Variants in SLC39A11 observed in about 807,000 individuals in gnomAD.
The protein encoded by SLC39A11 is solute carrier family 39 member 11, also known as zinc transporter ZIP11.
Under a neutral mutation model 36.1 loss-of-function variants are expected in SLC39A11, and 33 were observed. The ratio of observed to expected loss-of-function variants is 0.91; its 90% CI spans 0.69 to 1.22. The LOEUF (loss-of-function observed/expected upper bound fraction) is 1.22. SLC39A11 is among the 50% of genes most tolerant of loss of function. The pLI, the probability that SLC39A11 is intolerant of heterozygous loss-of-function variation, is 0.00. For missense variants in SLC39A11, 432 were observed against 430.3 expected (o/e 1.00, Z -0.03); for synonymous variants, 166 against 170.3 (o/e 0.97, Z 0.20).
chr17:72,900,221 GAAAGAAA>G (rs2082320115), intron 5 of SLC39A11, among the ~76,000 whole-genome samples: 1 of 141,186 alleles, frequency 7.1e-6, no homozygotes, highest in Admixed American at 7.1e-5. Flanking sequence ...AAGAAAGAAA[GAAAGAAA>G]GAAAAAGACA....
chr17:73,071,388 C>T (rs2060158028), intron 3 of SLC39A11, among the ~76,000 whole-genome samples: 1 of 152,232 alleles, frequency 6.6e-6, no homozygotes, highest in Non-Finnish European at 1.5e-5. Flanking sequence ...AAGCCAGCCC[C>T]TGAAGATTCT....
At chr17:72,837,853 G>C in intron 6 of SLC39A11, 1 of 925,078 alleles carries the variant, frequency 1.1e-6, no homozygotes, top group Non-Finnish European at 1.4e-6. Context: ...AAACTGTAGA[G>C]ACAAAGTAGA....
At chr17:72,908,490 C>A (rs1431505604) in intron 5 of SLC39A11, among the ~76,000 whole-genome samples, 1 of 152,200 alleles carries the variant, frequency 6.6e-6, no homozygotes, top group Non-Finnish European at 1.5e-5. Context: ...CGACAGGACA[C>A]TACCGTGCCG....
intron 6 of SLC39A11, among the ~76,000 whole-genome samples, chr17:72,745,307 C>T (rs1466233252): frequency 1.3e-5 from 2 of 152,254 alleles, no homozygotes; most frequent in Non-Finnish European, 2.9e-5. Flanking sequence ...CTCAGAGGTG[C>T]TGTGGGGACA....
At chr17:72,815,014 T>C (rs1264583207) in intron 6 of SLC39A11, among the ~76,000 whole-genome samples, 1 of 152,124 alleles carries the variant, frequency 6.6e-6, no homozygotes, top group East Asian at 1.9e-4. Context: ...GGTAAAAAAC[T>C]AAGGAAGGGG....
intron 3 of SLC39A11, among the ~76,000 whole-genome samples, chr17:73,071,630 A>G (rs2060164167): frequency 6.6e-6 from 1 of 152,220 alleles, no homozygotes; most frequent in South Asian, 2.1e-4. Flanking sequence ...TGTCATAAAC[A>G]TTGCATCAGG....
At chr17:72,716,733 T>C (rs2143464563) in intron 7 of SLC39A11, among the ~76,000 whole-genome samples, 1 of 151,876 alleles carries the variant, frequency 6.6e-6, no homozygotes, top group African/African-American at 2.4e-5. Context: ...CTTTGGGAAA[T>C]CGAGGTGGGC....
intron 6 of SLC39A11, among the ~76,000 whole-genome samples, chr17:72,846,528 G>T (rs2079063019): frequency 6.6e-6 from 1 of 152,150 alleles, no homozygotes; most frequent in Non-Finnish European, 1.5e-5. Context: ...ATTCCAAGTT[G>T]TCACTGGAGT....
intron 4 of SLC39A11, among the ~76,000 whole-genome samples, chr17:73,025,804 T>G (rs2058515677): frequency 6.6e-6 from 1 of 152,094 alleles, no homozygotes; most frequent in Admixed American, 6.6e-5. Context: ...AAACACAGTA[T>G]CATTGGTTTT....
chr17:73,084,932 G>C, intron 2 of SLC39A11, 86 bp from the exon 3 acceptor site: 1 of 1,436,680 alleles, frequency 7.0e-7, no homozygotes, highest in Admixed American at 1.7e-5. Context: ...AGGCCCAAAA[G>C]AGCCACGCAA....
rs1480188662 is a variant in SLC39A11, at chr17:72,649,260, G to A, written c.680C>T (p.Ala227Val). ...SATFESARNLAIGIGIQNFPE... is the reference protein window; with the variant it reads ...SATFESARNLVIGIGIQNFPE... Reference sequence around the variant, plus strand: ...GAAATTCTGGATCCCGATTCCAATGGCCAAATTCCTGAAAAACCAAGAAAG... The same window carrying A: ...GAAATTCTGGATCCCGATTCCAATGACCAAATTCCTGAAAAACCAAGAAAG... The change falls in exon 8 of 10, where the codon GCC becomes GTC. Residue 227 changes from alanine (A) to valine (V), a missense_variant. Physicochemically the swap from Ala to Val is moderately conservative, Grantham distance 64 (BLOSUM62 0). Coordinates refer to ENST00000255559, the MANE Select transcript of SLC39A11 (RefSeq NM_139177.4). 4 of 1,614,048 alleles carry A rather than the reference G, an allele frequency of 2.5e-6. No homozygotes were observed. The highest frequency in any genetic ancestry group is 3.4e-6 in the Non-Finnish European group (4 of 1,179,956).
At chr17:72,712,312 G>A (rs1007631786) in intron 7 of SLC39A11, among the ~76,000 whole-genome samples, 4 of 152,172 alleles carry the variant, frequency 2.6e-5, no homozygotes, top group Admixed American at 6.5e-5. Context: ...CTAGCCTGCC[G>A]GGGGATAACA....
intron 7 of SLC39A11, among the ~76,000 whole-genome samples, chr17:72,681,514 TCTC>T (rs375621661): frequency 1.3e-5 from 2 of 151,962 alleles, no homozygotes; most frequent in African/African-American, 4.8e-5. Flanking sequence ...CGAATTGCAT[TCTC>T]CTCATCTCTT....
intron 7 of SLC39A11, among the ~76,000 whole-genome samples, chr17:72,665,389 G>GTTTTTTTTTTGTTTTTTTTTTTTTTT (rs2070689574): frequency 1.3e-5 from 1 of 76,636 alleles, no homozygotes; most frequent in Non-Finnish European, 2.4e-5. Flanking sequence ...GTTTTGAGGT[G>GTTTTTTTTTTGTTTTTTTTTTTTTTT]TTTTTTTTTT....
At chr17:72,888,535 C>G (rs992981510) in intron 5 of SLC39A11, among the ~76,000 whole-genome samples, 1 of 152,148 alleles carries the variant, frequency 6.6e-6, no homozygotes. Context: ...TTTTAGAAGG[C>G]ATGATCTTTT....
intron 7 of SLC39A11, among the ~76,000 whole-genome samples, chr17:72,703,382 T>C (rs1409300181): frequency 6.6e-6 from 1 of 152,174 alleles, no homozygotes; most frequent in Non-Finnish European, 1.5e-5. Context: ...ATTATAGCAG[T>C]TCCGTGTGGG....
chr17:72,692,951 G>T (rs1162333801), intron 7 of SLC39A11, among the ~76,000 whole-genome samples: 1 of 152,160 alleles, frequency 6.6e-6, no homozygotes, highest in African/African-American at 2.4e-5. Context: ...AGACCTGTTT[G>T]CCAAGAAGTG....
At chr17:72,946,041 C>A (rs188715933) in intron 5 of SLC39A11, among the ~76,000 whole-genome samples, 172 of 152,288 alleles carry the variant, frequency 1.1e-3, no homozygotes, top group African/African-American at 3.6e-3. Context: ...AGGAGCCCAG[C>A]GCAGTCATGT....
In SLC39A11 at chr17:72,962,832, C is replaced by T. The variant is rs548101533; in HGVS notation, c.307-14957G>A. Among the ~76,000 whole-genome samples, 15 of 152,318 alleles carry T rather than the reference C, an allele frequency of 9.8e-5. No homozygotes were observed. In the South Asian group the frequency reaches 1.0e-3, roughly 11 times the overall value. On this transcript the variant is annotated intron_variant, in intron 4 of 9. Coordinates refer to ENST00000255559, the MANE Select transcript of SLC39A11 (RefSeq NM_139177.4). Reference sequence around the variant, plus strand: ...GATTACAGGCGTGAGCCATCGGGCCCGGCCAGCCCTTAGGTTCCTGACAAG... The same window carrying T: ...GATTACAGGCGTGAGCCATCGGGCCTGGCCAGCCCTTAGGTTCCTGACAAG...
Sources: gnomAD v4.1 joint callset for allele counts (sites outside exome capture counted in the v4.1 genomes callset) on GRCh38, gnomAD v4.1.1 for gene constraint, MANE v1.5 for transcripts, NCBI Gene and HGNC (gene_info 2026-07-23, HGNC 2026-07-21) for gene names.